KLRF2: variants seen among roughly 807,000 people sequenced by gnomAD.
KLRF2 encodes killer cell lectin-like receptor subfamily F member 2.
A neutral mutation model predicts 25.3 loss-of-function variants in KLRF2; 28 were observed. The observed-to-expected ratio is 1.11, with a 90% CI of 0.82 to 1.52. The LOEUF is 1.52. Among genes scored for constraint, KLRF2 ranks in the 40% most tolerant of loss-of-function variants. The pLI is 0.00. For synonymous variants in KLRF2, 73 were observed against 85.0 expected, an observed-to-expected ratio of 0.86 and a Z score of 0.78; for missense variants, 265 against 245.8, an observed-to-expected ratio of 1.08 and a Z score of -0.52.
chr12:9,895,468 A>G (rs1862746336), intron 5 of KLRF2, among the ~76,000 whole-genome samples: 2 of 152,198 alleles, frequency 1.3e-5, no homozygotes, highest in South Asian at 4.1e-4. Context: ...GGTAAGGAAG[A>G]AGCTGGGATG....
chr12:9,891,155 A>C (rs1199164902), intron 3 of KLRF2, among the ~76,000 whole-genome samples: 1 of 151,722 alleles, frequency 6.6e-6, no homozygotes, highest in African/African-American at 2.4e-5. Context: ...ATTTAACTCT[A>C]CAAAGATATT....
chr12:9,888,077 TAAG>T (rs1862619898), intron 2 of KLRF2, among the ~76,000 whole-genome samples: 1 of 101,302 alleles, frequency 9.9e-6, no homozygotes, highest in Admixed American at 9.4e-5. Flanking sequence ...AAAAAAAAGT[TAAG>T]AATAGTAATA....
At chr12:9,893,626 C>T (rs952304146) in intron 5 of KLRF2, 85 bp downstream of exon 5, 6 of 493,688 alleles carry the variant, frequency 1.2e-5, no homozygotes, top group Non-Finnish European at 2.0e-5. Flanking sequence ...TTCTTTTTTC[C>T]TTCTTTCTCT....
chr12:9,884,794 T>TTTTA (rs1203642115), intron 1 of KLRF2, 140 bp from the exon 2 acceptor site: 1 of 372,966 alleles, frequency 2.7e-6, no homozygotes, highest in African/African-American at 2.1e-5. Context: ...ATTCTAGACT[T>TTTTA]TTTATTTTTA....
At chr12:9,889,852 A>G (rs1307776960) in intron 3 of KLRF2, among the ~76,000 whole-genome samples, 1 of 152,142 alleles carries the variant, frequency 6.6e-6, no homozygotes, top group Admixed American at 6.5e-5. Flanking sequence ...TGCTATATCA[A>G]TATATAAAGT....
rs1029622160 is a variant in KLRF2 at position 9,882,910 on chromosome 12, T to A, written c.70+1245T>A. On this transcript the variant is annotated intron_variant, in intron 1 of 5. Transcript: ENST00000535540. The stretch of plus-strand genomic sequence containing the variant: ...ATAAGAAAAATCTACCTGATGATGC[T>A]TTTATGTGGATGTTAAACTAAATTT... Among the ~76,000 whole-genome samples, 3 of 152,244 alleles carry A rather than the reference T, an allele frequency of 2.0e-5. No homozygotes were observed. The East Asian group carries it at 5.8e-4, about 29-fold the overall frequency.
chr12:9,882,131 A>G (rs573416755), intron 1 of KLRF2, among the ~76,000 whole-genome samples: 3 of 152,290 alleles, frequency 2.0e-5, no homozygotes, highest in Admixed American at 1.3e-4. Flanking sequence ...AAAAACATTA[A>G]TCTTTGCTCC....
At chr12:9,887,934 T>C (rs1862617466) in intron 2 of KLRF2, among the ~76,000 whole-genome samples, 1 of 151,138 alleles carries the variant, frequency 6.6e-6, no homozygotes, top group South Asian at 2.1e-4. Flanking sequence ...TGTGCGCCTG[T>C]ACTCCCAACT....
intron 1 of KLRF2, 126 bp downstream of exon 1, chr12:9,881,791 T>A: frequency 1.4e-6 from 1 of 730,212 alleles, no homozygotes; most frequent in Non-Finnish European, 2.2e-6. Flanking sequence ...GGTCATAAAT[T>A]GTCTGTTAGA....
At chr12:9,885,238 G>A (rs1365766541) in intron 2 of KLRF2, among the ~76,000 whole-genome samples, 1 of 151,540 alleles carries the variant, frequency 6.6e-6, no homozygotes, top group Admixed American at 6.6e-5. Flanking sequence ...ACCCCCAATA[G>A]AGGTTGACTT....
intron 2 of KLRF2, among the ~76,000 whole-genome samples, chr12:9,885,519 T>C (rs1327279422): frequency 2.0e-5 from 3 of 151,868 alleles, no homozygotes. Context: ...AGTAGTGTTT[T>C]ACATATAACA....
At chr12:9,891,308 T>C (rs1862673832) in intron 3 of KLRF2, among the ~76,000 whole-genome samples, 1 of 152,226 alleles carries the variant, frequency 6.6e-6, no homozygotes, top group Admixed American at 6.5e-5. Flanking sequence ...TTCTCAATTT[T>C]CATCCTGTAT....
chr12:9,885,182 C>T lies in KLRF2; in HGVS notation c.169+150C>T, dbSNP rs925392313. 4.4e-4 allele frequency: 142 copies of T among 326,216 alleles called. 1 individual carries two copies. The East Asian group carries it at 6.6e-3, about 15-fold the overall frequency. 20.2% of individuals were successfully genotyped at this position (326,216 alleles called of 1,614,324 possible). A position where few individuals can be genotyped will look rare whatever the true frequency, so the allele number is the denominator to read the frequency against. On this transcript the variant is annotated intron_variant, in intron 2 of 5. Coordinates refer to ENST00000535540, the MANE Select transcript of KLRF2 (RefSeq NM_001190765.1). ...TATATTAAATTTAAAAAATTAAATG[C>T]TCAAATGCAAGCTTGGTATTTATTC... is the stretch of plus-strand genomic sequence containing the variant.
Position 9,893,460 on chromosome 12 carries a change from A to C in KLRF2, c.398A>C (p.His133Pro). ...EFIQNSLKPG[H>P]FGWIGLYVTF... ...ATACAGAACAGTTTAAAACCTGGACATTTTGGTTGGATTGGACTATATGTT... is the reference window on the plus strand; with the variant it reads ...ATACAGAACAGTTTAAAACCTGGACCTTTTGGTTGGATTGGACTATATGTT... Residue 133 changes from histidine (H) to proline (P), a missense_variant, in exon 5 of 6, where the codon CAT becomes CCT. Coordinates refer to ENST00000535540, the MANE Select transcript of KLRF2 (RefSeq NM_001190765.1). 2 of 1,507,486 alleles carry C rather than the reference A, an allele frequency of 1.3e-6. No individual in the cohort carries two copies. Among genetic ancestry groups the C allele is most frequent in the South Asian group, 2.4e-5 (2 of 82,350 alleles). The allele number at this position is 1,507,486 out of a possible 1,614,324, so 93.4% of individuals were successfully genotyped here. A position where few individuals can be genotyped will look rare whatever the true frequency, so the allele number is the denominator to read the frequency against.
At chr12:9,887,448 A>G (rs901808818) in intron 2 of KLRF2, among the ~76,000 whole-genome samples, 3 of 152,220 alleles carry the variant, frequency 2.0e-5, no homozygotes, top group African/African-American at 7.2e-5. Flanking sequence ...CTTCAAAGTT[A>G]TGAGCAATCT....
chr12:9,893,655 AT>A (rs1222372745), intron 5 of KLRF2, 114 bp downstream of exon 5: 33 of 432,530 alleles, frequency 7.6e-5, no homozygotes, highest in Non-Finnish European at 9.1e-5. Context: ...TTATCTTTAC[AT>A]TTTTTTCTAC....
chr12:9,890,242 A>G (rs1364207977), intron 3 of KLRF2, among the ~76,000 whole-genome samples: 1 of 152,198 alleles, frequency 6.6e-6, no homozygotes, highest in Non-Finnish European at 1.5e-5. Context: ...TTGATATATA[A>G]CAAATTACCA....
At chr12:9,885,980 G>A (rs1416542370) in intron 2 of KLRF2, among the ~76,000 whole-genome samples, 2 of 151,960 alleles carry the variant, frequency 1.3e-5, no homozygotes, top group African/African-American at 2.4e-5. Context: ...ATAATTTCTT[G>A]TTAGACACTG....
intron 1 of KLRF2, among the ~76,000 whole-genome samples, chr12:9,882,473 T>C (rs1478174157): frequency 6.6e-6 from 1 of 152,102 alleles, no homozygotes; most frequent in South Asian, 2.1e-4. Flanking sequence ...ACTAGTACCA[T>C]TGGTGTTAAA....
Sources: allele counts gnomAD v4.1 joint callset (sites outside exome capture counted in the v4.1 genomes callset), GRCh38; gene constraint gnomAD v4.1.1; transcripts MANE v1.5; gene names NCBI Gene and HGNC (gene_info 2026-07-23, HGNC 2026-07-21).